SLC25A16: variants seen among roughly 807,000 people sequenced by gnomAD.
SLC25A16 encodes the protein mitochondrial coenzyme A transporter SLC25A16.
SLC25A16 carries 39 observed loss-of-function variants against 41.5 expected under a neutral mutation model. The observed-to-expected ratio is 0.94, with a 90% confidence interval of 0.73 to 1.23. SLC25A16 has a LOEUF of 1.23. Ranked by LOEUF, SLC25A16 falls within the 50% of genes most tolerant of loss-of-function variation. SLC25A16 has a pLI of 0.00. For missense variants in SLC25A16, 421 were observed against 426.9 expected, an observed-to-expected ratio of 0.99 and a Z score of 0.12; for synonymous variants, 146 against 147.8, an observed-to-expected ratio of 0.99 and a Z score of 0.09.
chr10:68,519,911 G>T (rs183860138), intron 1 of SLC25A16, among the ~76,000 whole-genome samples: 1 of 148,888 alleles, frequency 6.7e-6, no homozygotes, highest in Non-Finnish European at 1.5e-5. Flanking sequence ...ACGAAACTCC[G>T]TCTCAAAAAA....
intron 2 of SLC25A16, among the ~76,000 whole-genome samples, chr10:68,516,382 G>A (rs142656338): frequency 6.6e-6 from 1 of 152,018 alleles, no homozygotes; most frequent in East Asian, 1.9e-4. Context: ...AAAGTAACCT[G>A]TGGAATGCTG....
At chr10:68,525,063 C>T (rs569494271) in intron 1 of SLC25A16, among the ~76,000 whole-genome samples, 1 of 151,472 alleles carries the variant, frequency 6.6e-6, no homozygotes, top group Non-Finnish European at 1.5e-5. Flanking sequence ...ACAACAACAA[C>T]AAAAAAAACT....
At chr10:68,503,435 T>C (rs1329830155) in intron 4 of SLC25A16, among the ~76,000 whole-genome samples, 197 bp downstream of exon 4, 2 of 152,184 alleles carry the variant, frequency 1.3e-5, no homozygotes, top group African/African-American at 4.8e-5. Flanking sequence ...AAACAACAAA[T>C]GTGTGCTACT....
intron 8 of SLC25A16, among the ~76,000 whole-genome samples, chr10:68,486,818 A>T (rs1027982891): frequency 6.6e-6 from 1 of 151,638 alleles, no homozygotes; most frequent in Non-Finnish European, 1.5e-5. Flanking sequence ...TTAGCCAGTC[A>T]TGGTGGTGGG....
chr10:68,515,884 C>T (rs753338736), intron 2 of SLC25A16, among the ~76,000 whole-genome samples: 4 of 152,134 alleles, frequency 2.6e-5, no homozygotes, highest in Admixed American at 6.6e-5. Flanking sequence ...TAATAAATCC[C>T]AATAAACATG....
intron 6 of SLC25A16, among the ~76,000 whole-genome samples, chr10:68,492,210 C>G (rs971268179): frequency 6.6e-6 from 1 of 152,170 alleles, no homozygotes; most frequent in Non-Finnish European, 1.5e-5. Context: ...CTGTCCCCAA[C>G]TTACAAGGAT....
intron 8 of SLC25A16, among the ~76,000 whole-genome samples, chr10:68,486,578 T>C (rs1224886952): frequency 6.6e-6 from 1 of 151,854 alleles, no homozygotes; most frequent in Non-Finnish European, 1.5e-5. Context: ...TTCATCATGT[T>C]GGCCAGGCTG....
intron 2 of SLC25A16, among the ~76,000 whole-genome samples, chr10:68,512,508 G>A (rs1234554811): frequency 1.6e-5 from 2 of 127,664 alleles, no homozygotes; most frequent in Non-Finnish European, 3.3e-5. Context: ...GCGTAGTGGC[G>A]GGCGCCTGTA....
At chr10:68,497,453 T>C (rs2052767539) in intron 4 of SLC25A16, among the ~76,000 whole-genome samples, 1 of 152,148 alleles carries the variant, frequency 6.6e-6, no homozygotes, top group Admixed American at 6.6e-5. Context: ...TCTATAGTTG[T>C]GTGCAATCTC....
chr10:68,509,605 A>T (rs1404264709), intron 2 of SLC25A16, among the ~76,000 whole-genome samples: 3 of 151,480 alleles, frequency 2.0e-5, no homozygotes, highest in Non-Finnish European at 4.4e-5. Context: ...CAGGAGGCTG[A>T]GGCAGGAAGA....
chr10:68,494,500 G>C (rs1245524895), intron 4 of SLC25A16, among the ~76,000 whole-genome samples: 2 of 137,034 alleles, frequency 1.5e-5, no homozygotes, highest in Non-Finnish European at 3.2e-5. Context: ...GGGGAGGAGG[G>C]AGGGGAGGAG....
intron 7 of SLC25A16, among the ~76,000 whole-genome samples, chr10:68,487,802 A>C (rs551632181): frequency 6.6e-6 from 1 of 152,334 alleles, no homozygotes; most frequent in Admixed American, 6.5e-5. Flanking sequence ...ATAAGGGCTA[A>C]AACTAATAAT....
intron 4 of SLC25A16, among the ~76,000 whole-genome samples, chr10:68,496,122 T>A (rs2052746738): frequency 6.6e-6 from 1 of 152,204 alleles, no homozygotes; most frequent in African/African-American, 2.4e-5. Flanking sequence ...TCTTCTTGCA[T>A]CCCCTTGCCC....
intron 1 of SLC25A16, among the ~76,000 whole-genome samples, chr10:68,519,186 C>A (rs2053210458): frequency 6.6e-6 from 1 of 150,942 alleles, no homozygotes; most frequent in South Asian, 2.1e-4. Context: ...GAATGAAACT[C>A]CGTCTCAAAA....
intron 6 of SLC25A16, among the ~76,000 whole-genome samples, chr10:68,492,465 T>C (rs1365046963): frequency 1.3e-5 from 2 of 152,118 alleles, no homozygotes; most frequent in African/African-American, 4.8e-5. Flanking sequence ...ATAAAAAGTT[T>C]AGTTTAAAAA....
At chr10:68,484,552 A>C (rs1309509648) in intron 8 of SLC25A16, among the ~76,000 whole-genome samples, 1 of 151,628 alleles carries the variant, frequency 6.6e-6, no homozygotes, top group Non-Finnish European at 1.5e-5. Context: ...CAGCCTCTTC[A>C]GTAGCTGAGA....
rs2052577406 is a variant in SLC25A16, at chr10:68,487,132, T to C, written c.842+12A>G. 3 of 1,604,746 alleles carry C rather than the reference T, an allele frequency of 1.9e-6. No individual in the cohort carries two copies. Among genetic ancestry groups the C allele is most frequent in the South Asian group, 1.1e-5 (1 of 90,828 alleles). ...CCTAAAGAAAATGAACAATGACATA[T>C]GATGAACTTACAGGCACTTTTCAAA... On this transcript the variant is annotated intron_variant, in intron 8 of 8. Transcript: ENST00000609923.
intron 2 of SLC25A16, among the ~76,000 whole-genome samples, chr10:68,511,468 T>A (rs2053062181): frequency 6.6e-6 from 1 of 152,042 alleles, no homozygotes; most frequent in Non-Finnish European, 1.5e-5. Flanking sequence ...CTAATATGAA[T>A]GTGTAACCTA....
At chr10:68,513,927 T>A (rs927924266) in intron 2 of SLC25A16, among the ~76,000 whole-genome samples, 10 of 152,116 alleles carry the variant, frequency 6.6e-5, no homozygotes, top group African/African-American at 2.2e-4. Context: ...CCGGGAGCAG[T>A]GGCTCATGCC....
Sources: allele counts gnomAD v4.1 joint callset (sites outside exome capture counted in the v4.1 genomes callset), GRCh38; gene constraint gnomAD v4.1.1; transcripts MANE v1.5; gene names NCBI Gene and HGNC (gene_info 2026-07-23, HGNC 2026-07-21).